USP34: variants seen among roughly 807,000 people sequenced by gnomAD.
The protein encoded by USP34 is ubiquitin carboxyl-terminal hydrolase 34.
Under a neutral mutation model 460.3 loss-of-function variants are expected in USP34, and 70 were observed. The ratio of observed to expected loss-of-function variants is 0.15; its 90% CI spans 0.13 to 0.19. The LOEUF (loss-of-function observed/expected upper bound fraction) is 0.19, where lower values mean the gene tolerates loss of function less well. USP34 is among the 10% of genes least tolerant of loss of function. The pLI is 1.00. For missense variants in USP34, 3,985 were observed against 4,236.2 expected (o/e 0.94, Z 1.65); for synonymous variants, 1,647 against 1,405.3 (o/e 1.17, Z -3.85).
At chr2:61,321,002 C>T (rs982993640) in intron 21 of USP34, among the ~76,000 whole-genome samples, 6 of 151,610 alleles carry the variant, frequency 4.0e-5, no homozygotes, top group African/African-American at 1.5e-4. Flanking sequence ...AAGAGCAAGA[C>T]TCCGTGTCAA....
intron 1 of USP34, among the ~76,000 whole-genome samples, chr2:61,424,646 C>A (rs945746138): frequency 2.0e-5 from 3 of 152,086 alleles, no homozygotes; most frequent in African/African-American, 7.2e-5. Flanking sequence ...GAGGCCAAGG[C>A]AAGAGGATCA....
At chr2:61,456,856 T>C (rs968070237) in intron 1 of USP34, among the ~76,000 whole-genome samples, 3 of 152,036 alleles carry the variant, frequency 2.0e-5, no homozygotes, top group African/African-American at 7.2e-5. Flanking sequence ...CACAGGCATG[T>C]AGTCCCAGCT....
intron 5 of USP34, among the ~76,000 whole-genome samples, chr2:61,387,620 A>T (rs1693193841): frequency 6.8e-6 from 1 of 147,380 alleles, no homozygotes; most frequent in African/African-American, 2.5e-5. Flanking sequence ...TAAAATATAT[A>T]TTTTTACATA....
chr2:61,459,702 G>A (rs1056611938), intron 1 of USP34, among the ~76,000 whole-genome samples: 6 of 151,016 alleles, frequency 4.0e-5, no homozygotes, highest in South Asian at 2.1e-4. Context: ...GCTTGAACCC[G>A]GGAGGCGAAG....
chr2:61,301,647 T>A (rs1690228129), intron 27 of USP34, among the ~76,000 whole-genome samples, 193 bp from the exon 28 acceptor site: 1 of 152,210 alleles, frequency 6.6e-6, no homozygotes, highest in Non-Finnish European at 1.5e-5. Flanking sequence ...TGCCTACACC[T>A]TCAACTTCAT....
At chr2:61,345,497 T>A (rs1691740361) in intron 15 of USP34, among the ~76,000 whole-genome samples, 1 of 152,170 alleles carries the variant, frequency 6.6e-6, no homozygotes, top group Non-Finnish European at 1.5e-5. Flanking sequence ...TACCCATGAT[T>A]CACCATAAAC....
chr2:61,271,776 G>A (rs1689222275), intron 41 of USP34, among the ~76,000 whole-genome samples: 1 of 152,150 alleles, frequency 6.6e-6, no homozygotes, highest in East Asian at 1.9e-4. Context: ...CAGCTGCAAA[G>A]TGTAAAATAT....
In USP34 at chr2:61,470,713, C is replaced by A. The variant is rs368580965; in HGVS notation, c.-21G>T. On this transcript the variant is annotated 5_prime_UTR_variant, in exon 1 of 80. Coordinates refer to ENST00000398571, the MANE Select transcript of USP34 (RefSeq NM_014709.4). ...CACATCGTTCGGCCGCCGCCCCCCCCCTCCCCCGCTTCGGATCACACTGAC... is the reference window on the plus strand; with the variant it reads ...CACATCGTTCGGCCGCCGCCCCCCCACTCCCCCGCTTCGGATCACACTGAC... 9 of 1,588,332 alleles carry A rather than the reference C, an allele frequency of 5.7e-6. No homozygotes were observed. The highest frequency in any genetic ancestry group is 2.4e-5 in the East Asian group (1 of 42,096).
chr2:61,244,191 G>A (rs900476026), intron 51 of USP34, among the ~76,000 whole-genome samples: 3 of 152,078 alleles, frequency 2.0e-5, no homozygotes, highest in Non-Finnish European at 2.9e-5. Flanking sequence ...TCTATGAAAC[G>A]GAAATGACTA....
At chr2:61,351,471 G>C (rs1007964397) in intron 10 of USP34, among the ~76,000 whole-genome samples, 3 of 151,494 alleles carry the variant, frequency 2.0e-5, no homozygotes, top group Non-Finnish European at 4.4e-5. Flanking sequence ...TAAAATAAAA[G>C]TATTTTACAG....
At chr2:61,442,398 C>T (rs957807627) in intron 1 of USP34, among the ~76,000 whole-genome samples, 55 of 129,968 alleles carry the variant, frequency 4.2e-4, no homozygotes, top group Non-Finnish European at 6.9e-4. Flanking sequence ...ACTCAAACAT[C>T]TTAACAGCAA....
At position 61,208,928 on chromosome 2, in the gene USP34, A is replaced by C. The variant is rs1687193938; in HGVS notation, c.8890T>G (p.Phe2964Val). Residue 2964 changes from phenylalanine to valine, a missense_variant, in exon 70 of 80, where the codon TTT (phenylalanine) becomes GTT (valine). Around this residue, in one of 14 missense-constraint regions of USP34, gnomAD observed 275 missense variants for 292.7 expected, o/e 0.94. Coordinates refer to ENST00000398571, the MANE Select transcript of USP34 (RefSeq NM_014709.4). ...GTCATTAGAATCAATCCTCGATTAA[A>C]TACAACAAGAAGTCTGTCTTCATCA... ...ESDEDRLLVV[F>V]NRGLILMTES... The C allele has an allele frequency of 1.2e-5, 19 of 1,596,222 alleles. No homozygotes were observed. The highest frequency in any genetic ancestry group is 3.5e-5 in the Admixed American group (2 of 57,806).
chr2:61,212,267 A>G (rs1265987396), intron 68 of USP34, among the ~76,000 whole-genome samples: 1 of 152,190 alleles, frequency 6.6e-6, no homozygotes, highest in Non-Finnish European at 1.5e-5. Flanking sequence ...AAATCTTAAA[A>G]TACAAGTTTA....
chr2:61,263,180 T>A (rs1688946696), intron 43 of USP34, among the ~76,000 whole-genome samples: 2 of 90,002 alleles, frequency 2.2e-5, no homozygotes, highest in East Asian at 8.6e-4. Flanking sequence ...GGAATTTTTT[T>A]TTTTTTTTTT....
rs1336083247 is a variant in USP34, at chr2:61,470,425, C to A, written c.43+225G>T. Among the ~76,000 whole-genome samples, 4 of 150,650 alleles carry A rather than the reference C, an allele frequency of 2.7e-5. No individual in the cohort carries two copies. The East Asian group carries it at 7.8e-4, about 29-fold the overall frequency. On this transcript the variant is annotated intron_variant, in intron 1 of 79. Coordinates refer to ENST00000398571, the MANE Select transcript of USP34 (RefSeq NM_014709.4). ...CCAGAGCGCCCGGGCCAGGCCGAGC[C>A]GGAGCTCCGCGGCGGCCGCCTCTCG...
At chr2:61,446,898 T>C (rs560645837) in intron 1 of USP34, among the ~76,000 whole-genome samples, 107 of 152,222 alleles carry the variant, frequency 7.0e-4, no homozygotes, top group African/African-American at 2.4e-3. Context: ...CTGGAAAATA[T>C]TGGTCCACTA....
intron 22 of USP34, among the ~76,000 whole-genome samples, chr2:61,318,080 C>G (rs988039666): frequency 9.3e-5 from 14 of 150,872 alleles, no homozygotes; most frequent in Admixed American, 2.0e-4. Context: ...GTAGTCCCAA[C>G]TACTCGGGAG....
chr2:61,391,492 G>A (rs1214139414), intron 5 of USP34, among the ~76,000 whole-genome samples: 2 of 152,134 alleles, frequency 1.3e-5, no homozygotes, highest in Admixed American at 1.3e-4. Flanking sequence ...TGCCACAAAA[G>A]TGATTTATGA....
rs761285420 is a variant in USP34, at chr2:61,405,885, T to A, written c.375A>T (p.Lys125Asn). Residue 125 changes from lysine (K) to asparagine (N), a missense_variant, in exon 3 of 80, where the codon AAA (lysine) becomes AAT (asparagine). Coordinates refer to ENST00000398571, the MANE Select transcript of USP34 (RefSeq NM_014709.4). ...GATTACAAATTCTTGTAGAGTTTGA[T>A]TTTTTTTCTATTGATTTTTGTCTTT... ...STERQKSIEK[K>N]SNSTRICNLT... 1 of 1,613,584 alleles carries A rather than the reference T, an allele frequency of 6.2e-7. No homozygotes were observed.
Sources: gnomAD v4.1 joint callset for allele counts (sites outside exome capture counted in the v4.1 genomes callset) on GRCh38, gnomAD v4.1.1 for gene constraint, gnomAD v4.1.1 regional missense constraint, MANE v1.5 for transcripts, NCBI Gene and HGNC (gene_info 2026-07-23, HGNC 2026-07-21) for gene names.